KIZ: variants seen among roughly 807,000 people sequenced by gnomAD.
KIZ encodes centrosomal protein kizuna.
In KIZ, 68 loss-of-function variants were observed where a neutral mutation model predicts 79.6. The observed-to-expected ratio is 0.85, with a 90% CI of 0.70 to 1.05. The LOEUF (loss-of-function observed/expected upper bound fraction) is 1.05. KIZ is among the 50% of genes least tolerant of loss of function. KIZ has a pLI of 0.00. For missense variants in KIZ, 797 were observed against 800.4 expected (o/e 1.00, Z 0.05); for synonymous variants, 280 against 281.8 (o/e 0.99, Z 0.06).
chr20:21,181,918 C>T (rs1280899905), intron 6 of KIZ, among the ~76,000 whole-genome samples: 1 of 152,182 alleles, frequency 6.6e-6, no homozygotes, highest in Non-Finnish European at 1.5e-5. Flanking sequence ...TCTGGAAGTC[C>T]AGAGGTAGAG....
chr20:21,156,578 TA>T (rs2033392637), intron 4 of KIZ, among the ~76,000 whole-genome samples: 1 of 152,176 alleles, frequency 6.6e-6, no homozygotes, highest in Non-Finnish European at 1.5e-5. Context: ...ATAATAATAA[TA>T]AATGACTTTG....
Position 21,215,644 on chromosome 20 carries a change from C to G in KIZ, c.1674C>G (p.Ile558Met). Reference sequence around the variant, plus strand: ...AAAATGTGGCTGCAGATATCCCAATCACAGGTAAAGCTATGGTTGCCTAAG... The same window carrying G: ...AAAATGTGGCTGCAGATATCCCAATGACAGGTAAAGCTATGGTTGCCTAAG... ...KKENVAADIP[I>M]TETEAYQLLK... Residue 558 changes from isoleucine to methionine, a missense_variant, in exon 9 of 13, where the codon ATC (isoleucine) becomes ATG (methionine). Ile to Met is a conservative substitution (Grantham distance 10). Transcript: ENST00000619189. 6.3e-7 allele frequency: 1 copy of G among 1,597,458 alleles called. No homozygotes were observed. The highest frequency in any genetic ancestry group is 8.6e-7 in the Non-Finnish European group (1 of 1,167,106).
chr20:21,215,900 A>C (rs557096367), intron 9 of KIZ, among the ~76,000 whole-genome samples: 2 of 152,290 alleles, frequency 1.3e-5, no homozygotes, highest in African/African-American at 4.8e-5. Flanking sequence ...ATCCTCCATC[A>C]TGTGCCCTTT....
intron 3 of KIZ, among the ~76,000 whole-genome samples, chr20:21,145,002 G>A (rs988945685): frequency 6.6e-6 from 1 of 152,134 alleles, no homozygotes; most frequent in Non-Finnish European, 1.5e-5. Context: ...ATTAGTGCCA[G>A]AGCAAATTGG....
chr20:21,213,826 C>G (rs2123285526), intron 7 of KIZ: 1 of 152,334 alleles, frequency 6.6e-6, no homozygotes, highest in South Asian at 2.1e-4. Context: ...GCTCAGGACA[C>G]ATGAGGCATT....
chr20:21,198,842 C>T (rs2035469580), intron 6 of KIZ: 1 of 152,640 alleles, frequency 6.6e-6, no homozygotes, highest in Non-Finnish European at 1.5e-5. Flanking sequence ...AACCCTCTTT[C>T]AGTTTTTATC....
chr20:21,177,974 T>C (rs1272815720), intron 6 of KIZ, among the ~76,000 whole-genome samples: 2 of 152,134 alleles, frequency 1.3e-5, no homozygotes, highest in Non-Finnish European at 2.9e-5. Context: ...CTGTTTTGAT[T>C]ATGGTAGCTT....
At chr20:21,133,193 C>G (rs899788944) in intron 2 of KIZ, 10 of 152,188 alleles carry the variant, frequency 6.6e-5, no homozygotes, top group African/African-American at 1.9e-4. Context: ...AGTCAAATTA[C>G]CTATTAGGTC....
At chr20:21,180,792 C>A (rs2034627547) in intron 6 of KIZ, among the ~76,000 whole-genome samples, 1 of 152,092 alleles carries the variant, frequency 6.6e-6, no homozygotes. Flanking sequence ...CCAGCTGAGC[C>A]CAGTAGTTCT....
intron 6 of KIZ, chr20:21,197,470 G>T (rs1038747218): frequency 6.6e-6 from 1 of 152,130 alleles, no homozygotes; most frequent in African/African-American, 2.4e-5. Context: ...TACGAGTTGT[G>T]GGGATCTAAC....
chr20:21,165,085 A>G (rs1307093682), intron 6 of KIZ, among the ~76,000 whole-genome samples: 1 of 152,204 alleles, frequency 6.6e-6, no homozygotes, highest in East Asian at 1.9e-4. Flanking sequence ...GCATAGCATC[A>G]TATTTATAGA....
intron 4 of KIZ, chr20:21,161,051 T>C (rs948686486): frequency 6.6e-6 from 1 of 152,260 alleles, no homozygotes; most frequent in Admixed American, 6.5e-5. Flanking sequence ...TGATATCTTA[T>C]TGTGCTTTTG....
chr20:21,217,211 T>G (rs1194088299), intron 9 of KIZ, among the ~76,000 whole-genome samples: 1 of 152,236 alleles, frequency 6.6e-6, no homozygotes, highest in Non-Finnish European at 1.5e-5. Flanking sequence ...TCCTTGCCAG[T>G]GTACTATCCC....
At chr20:21,166,246 C>T (rs1444068041) in intron 6 of KIZ, 11 of 1,582,222 alleles carry the variant, frequency 7.0e-6, no homozygotes, top group South Asian at 4.4e-5. Flanking sequence ...TGTGTGTTTT[C>T]GTCTTGCTTC....
intron 4 of KIZ, chr20:21,158,468 T>C (rs1221265485): frequency 6.6e-6 from 1 of 152,212 alleles, no homozygotes; most frequent in Non-Finnish European, 1.5e-5. Flanking sequence ...GAGTGGAAGA[T>C]GGTGGGAAAC....
At chr20:21,145,427 A>G in intron 3 of KIZ, 138 bp from the exon 4 acceptor site, 1 of 398,852 alleles carries the variant, frequency 2.5e-6, no homozygotes. Context: ...TCATTTTCTA[A>G]GATAAGGTGA....
intron 11 of KIZ, among the ~76,000 whole-genome samples, chr20:21,234,364 C>T (rs1229908503): frequency 5.0e-5 from 7 of 140,456 alleles, no homozygotes; most frequent in Admixed American, 6.9e-5. Context: ...AAAAAAAAAC[C>T]ACACAAAAAG....
intron 6 of KIZ, among the ~76,000 whole-genome samples, chr20:21,179,711 A>T (rs1189421442): frequency 6.6e-6 from 1 of 151,798 alleles, no homozygotes; most frequent in Admixed American, 6.6e-5. Context: ...ACTGCTATAA[A>T]CTTCTCTCTT....
intron 4 of KIZ, among the ~76,000 whole-genome samples, chr20:21,147,459 T>C (rs2032905845): frequency 6.6e-6 from 1 of 152,252 alleles, no homozygotes; most frequent in Non-Finnish European, 1.5e-5. Context: ...TACTAATTCC[T>C]GAACCATTCC....
Sources: allele counts gnomAD v4.1 joint callset (sites outside exome capture counted in the v4.1 genomes callset), GRCh38; gene constraint gnomAD v4.1.1; transcripts MANE v1.5; gene names NCBI Gene and HGNC (gene_info 2026-07-23, HGNC 2026-07-21).